INSL6: variants seen among roughly 807,000 people sequenced by gnomAD.
INSL6 encodes the protein insulin like 6, also known as insulin-like peptide INSL6.
Under a neutral mutation model 9.4 loss-of-function variants are expected in INSL6, and 16 were observed. That is an observed-to-expected ratio of 1.70 (90% CI 1.15 to 2.59). The LOEUF (loss-of-function observed/expected upper bound fraction) is 2.59. Among genes scored for constraint, INSL6 ranks in the 30% most tolerant of loss-of-function variants. The probability of loss-of-function intolerance (pLI) is 0.00; values close to 1 mark genes in which losing one functional copy is unlikely to be tolerated. For missense variants in INSL6, 391 were observed against 257.3 expected, an observed-to-expected ratio of 1.52 and a Z score of -3.56; for synonymous variants, 154 against 96.9, an observed-to-expected ratio of 1.59 and a Z score of -3.46.
chr9:5,109,434 T>C, the INSL6 span: 3 of 152,146 alleles, frequency 2.0e-5, no homozygotes, highest in South Asian at 2.1e-4. Flanking sequence ...TTTTAAAGGA[T>C]TGGAGTCATC....
At chr9:5,076,776 T>C in the INSL6 span, among the ~76,000 whole-genome samples, 1 of 152,182 alleles carries the variant, frequency 6.6e-6, no homozygotes, top group Admixed American at 6.5e-5. Context: ...TCTACACTTG[T>C]ATGACATTTT....
chr9:5,131,866 A>T (rs1374283501), intron 3 of INSL6: 5 of 152,234 alleles, frequency 3.3e-5, no homozygotes, highest in Non-Finnish European at 7.3e-5. Context: ...TACAGTTAAG[A>T]GGCATTTAAA....
At chr9:5,061,956 C>T in the INSL6 span, among the ~76,000 whole-genome samples, 23 of 152,086 alleles carry the variant, frequency 1.5e-4, no homozygotes, top group East Asian at 4.2e-3. Context: ...AATAGGGAGG[C>T]CTGAGGAGAG....
the INSL6 span, among the ~76,000 whole-genome samples, chr9:5,015,667 C>T: frequency 2.0e-5 from 3 of 151,786 alleles, no homozygotes; most frequent in Admixed American, 6.6e-5. Context: ...TCTTTCTCGT[C>T]ATGTACTTCC....
At chr9:4,998,944 C>G in the INSL6 span, among the ~76,000 whole-genome samples, 2 of 151,840 alleles carry the variant, frequency 1.3e-5, no homozygotes, top group African/African-American at 4.8e-5. Flanking sequence ...GCCTCAGCCT[C>G]CGGAGTAGCT....
chr9:5,061,294 TCTC>T, the INSL6 span, among the ~76,000 whole-genome samples: 1 of 152,236 alleles, frequency 6.6e-6, no homozygotes, highest in Non-Finnish European at 1.5e-5. Flanking sequence ...AGCACTGACT[TCTC>T]CTCTCTAGCT....
At chr9:5,080,774 T>C in the INSL6 span, 4 of 1,000,580 alleles carry the variant, frequency 4.0e-6, no homozygotes, top group Non-Finnish European at 5.6e-6. Flanking sequence ...CTTTAAAACA[T>C]TTTCTTGATG....
chr9:4,999,535 GAT>G, the INSL6 span, among the ~76,000 whole-genome samples: 1 of 152,088 alleles, frequency 6.6e-6, no homozygotes, highest in South Asian at 2.1e-4. Flanking sequence ...GAACTAATAG[GAT>G]ATATATATGA....
the INSL6 span, among the ~76,000 whole-genome samples, chr9:5,070,447 G>A: frequency 6.6e-6 from 1 of 152,068 alleles, no homozygotes; most frequent in Non-Finnish European, 1.5e-5. Context: ...TTGGTTCCAG[G>A]ACTACCCATG....
chr9:5,176,301 C>G (rs940101868), intron 1 of INSL6, among the ~76,000 whole-genome samples: 1 of 152,188 alleles, frequency 6.6e-6, no homozygotes, highest in Non-Finnish European at 1.5e-5. Flanking sequence ...CTGTTTAATA[C>G]TATACCCCAC....
At chr9:5,119,974 A>G (rs528346645), downstream of INSL6, among the ~76,000 whole-genome samples, 4 of 152,334 alleles carry the variant, frequency 2.6e-5, no homozygotes, top group African/African-American at 4.8e-5. Flanking sequence ...TTATTGAATA[A>G]TAAACACTGT....
the INSL6 span, chr9:5,114,132 G>C: frequency 2.7e-6 from 1 of 375,780 alleles, no homozygotes; most frequent in Non-Finnish European, 5.3e-6. Context: ...CACCTATCAA[G>C]GTAACACCTT....
the INSL6 span, among the ~76,000 whole-genome samples, chr9:5,076,536 T>G: frequency 6.6e-6 from 1 of 152,186 alleles, no homozygotes; most frequent in Non-Finnish European, 1.5e-5. Context: ...TTGTTTTTTT[T>G]AAGATATAAC....
chr9:5,044,531 AT>A, the INSL6 span: 9 of 1,445,862 alleles, frequency 6.2e-6, no homozygotes, highest in Admixed American at 1.9e-5. Flanking sequence ...GTATGATTAT[AT>A]TATCTTACTT....
the INSL6 span, among the ~76,000 whole-genome samples, chr9:5,067,469 A>G: frequency 2.0e-5 from 3 of 152,080 alleles, no homozygotes; most frequent in Non-Finnish European, 4.4e-5. Flanking sequence ...GAACTTTGTT[A>G]TTCAATTATT....
intron 2 of INSL6, among the ~76,000 whole-genome samples, chr9:5,153,888 C>T (rs1769387704): frequency 6.6e-6 from 1 of 152,156 alleles, no homozygotes; most frequent in African/African-American, 2.4e-5. Flanking sequence ...GTCAAAATGG[C>T]CATACTGCCC....
intron 2 of INSL6, among the ~76,000 whole-genome samples, chr9:5,156,410 A>T (rs542963534): frequency 6.6e-6 from 1 of 152,214 alleles, no homozygotes; most frequent in African/African-American, 2.4e-5. Flanking sequence ...ATGGCTATTG[A>T]TGCAAAACCC....
intron 3 of INSL6, among the ~76,000 whole-genome samples, chr9:5,131,186 C>G (rs1269697409): frequency 6.6e-6 from 1 of 152,120 alleles, no homozygotes; most frequent in Non-Finnish European, 1.5e-5. Flanking sequence ...TAGTGGAATA[C>G]TACTTGAAGT....
At chr9:5,032,913 T>A in the INSL6 span, among the ~76,000 whole-genome samples, 2 of 152,150 alleles carry the variant, frequency 1.3e-5, no homozygotes, top group Admixed American at 1.3e-4. Context: ...TTTGACAAGT[T>A]GAGAGAAGAA....
Sources: gnomAD v4.1 joint callset for allele counts (sites outside exome capture counted in the v4.1 genomes callset) on GRCh38, gnomAD v4.1.1 for gene constraint, MANE v1.5 for transcripts, NCBI Gene and HGNC (gene_info 2026-07-23, HGNC 2026-07-21) for gene names.